Variants in GPC5 observed in about 807,000 individuals in gnomAD.
GPC5 encodes the protein glypican 5, also known as glypican-5.
GPC5 carries 47 observed loss-of-function variants against 53.9 expected under a neutral mutation model. That is an observed-to-expected ratio of 0.87 (90% CI 0.69 to 1.11). The LOEUF (loss-of-function observed/expected upper bound fraction) is 1.11, where lower values mean the gene tolerates loss of function less well. GPC5 is among the 50% of genes most tolerant of loss of function. The pLI is 0.00. For missense variants in GPC5, 748 were observed against 713.1 expected, an observed-to-expected ratio of 1.05 and a Z score of -0.56; for synonymous variants, 286 against 263.3, an observed-to-expected ratio of 1.09 and a Z score of -0.84.
intron 5 of GPC5, among the ~76,000 whole-genome samples, chr13:91,900,901 T>G (rs2039491457): frequency 6.6e-6 from 1 of 152,116 alleles, no homozygotes; most frequent in Admixed American, 6.6e-5. Context: ...ATGGGACTAC[T>G]TACCTGCCAC....
At chr13:92,248,774 A>G (rs1036218133) in intron 7 of GPC5, among the ~76,000 whole-genome samples, 18 of 152,152 alleles carry the variant, frequency 1.2e-4, no homozygotes, top group Non-Finnish European at 5.9e-5. Flanking sequence ...GGATTCGATC[A>G]GGAAAACTCT....
At chr13:91,558,371 A>G (rs2031076357) in intron 2 of GPC5, among the ~76,000 whole-genome samples, 1 of 152,086 alleles carries the variant, frequency 6.6e-6, no homozygotes, top group South Asian at 2.1e-4. Flanking sequence ...AAAGGGAAGC[A>G]TATTGTTTTA....
intron 6 of GPC5, among the ~76,000 whole-genome samples, chr13:92,128,184 C>T (rs751565032): frequency 6.6e-6 from 1 of 152,188 alleles, no homozygotes; most frequent in Non-Finnish European, 1.5e-5. Context: ...CTGTCATTCA[C>T]TCCTATATGG....
At chr13:92,404,331 C>T (rs1875699399) in intron 7 of GPC5, among the ~76,000 whole-genome samples, 2 of 152,088 alleles carry the variant, frequency 1.3e-5, no homozygotes. Flanking sequence ...ACGTCTGTGT[C>T]ACCAGAAACT....
rs540568821 is a variant in GPC5 at position 92,557,167 on chromosome 13, C to T, written c.1562-309115C>T. Among the ~76,000 whole-genome samples the T allele has an allele frequency of 4.6e-5, 7 of 151,646 alleles. No individual in the cohort carries two copies. In the South Asian group the frequency reaches 1.2e-3, roughly 27 times the overall value. On this transcript the variant is annotated intron_variant, in intron 7 of 7. Coordinates refer to ENST00000377067, the MANE Select transcript of GPC5 (RefSeq NM_004466.6). ...GCTATTCTAGCCCCTTTTGATGGAC[C>T]GAGTCTGTCTTTTTTGTCATGTAAG...
intron 2 of GPC5, among the ~76,000 whole-genome samples, chr13:91,482,000 A>G (rs1883327182): frequency 6.6e-6 from 1 of 152,220 alleles, no homozygotes; most frequent in Non-Finnish European, 1.5e-5. Flanking sequence ...ACATAGTAAA[A>G]GGATACTAAT....
intron 7 of GPC5, among the ~76,000 whole-genome samples, chr13:92,385,401 CATATATACACAT>C (rs2043787870): frequency 7.4e-5 from 5 of 67,408 alleles, no homozygotes; most frequent in South Asian, 8.4e-4. Flanking sequence ...CATATATACA[CATATATACACAT>C]ATATATACAT....
chr13:91,520,730 G>T (rs1477708566), intron 2 of GPC5, among the ~76,000 whole-genome samples: 1 of 149,776 alleles, frequency 6.7e-6, no homozygotes, highest in Non-Finnish European at 1.5e-5. Flanking sequence ...ATGTGTGTGT[G>T]TGTGTATATA....
intron 3 of GPC5, among the ~76,000 whole-genome samples, chr13:91,722,271 T>C (rs1365245806): frequency 6.6e-6 from 1 of 152,198 alleles, no homozygotes; most frequent in East Asian, 1.9e-4. Flanking sequence ...AATTATGGGT[T>C]GGTTTTCCAT....
Position 91,931,484 on chromosome 13 carries a change from C to T in GPC5, c.1401+23427C>T, listed in dbSNP as rs1288486537. ...CAGCACAATTTACACAGAAGCCCAA[C>T]GTCAGACATCCTTGTTCACATGGAA... On this transcript the variant is annotated intron_variant, in intron 6 of 7. Coordinates refer to ENST00000377067, the MANE Select transcript of GPC5 (RefSeq NM_004466.6). Among the ~76,000 whole-genome samples the T allele has an allele frequency of 4.6e-5, 7 of 151,992 alleles. No homozygotes were observed. In the East Asian group the frequency reaches 1.3e-3, roughly 29 times the overall value.
chr13:91,910,124 C>T (rs751103756), intron 6 of GPC5, among the ~76,000 whole-genome samples: 1 of 152,180 alleles, frequency 6.6e-6, no homozygotes, highest in Non-Finnish European at 1.5e-5. Flanking sequence ...ATGTCTTGCA[C>T]AGGTGTCACT....
At chr13:91,706,011 G>C (rs1174348388) in intron 3 of GPC5, among the ~76,000 whole-genome samples, 1 of 151,288 alleles carries the variant, frequency 6.6e-6, no homozygotes, top group African/African-American at 2.4e-5. Flanking sequence ...TTCCCTGGTA[G>C]CTGGGATTAT....
chr13:91,979,608 A>G (rs2040339442), intron 6 of GPC5, among the ~76,000 whole-genome samples: 2 of 152,312 alleles, frequency 1.3e-5, no homozygotes, highest in South Asian at 4.1e-4. Context: ...AAAACTCCCC[A>G]AACTCTATAA....
chr13:92,259,688 C>T (rs796226586), intron 7 of GPC5, among the ~76,000 whole-genome samples: 18 of 152,238 alleles, frequency 1.2e-4, no homozygotes, highest in African/African-American at 4.3e-4. Flanking sequence ...CATGCCTGGA[C>T]CTGGCAGGTG....
At chr13:92,716,900 A>AT (rs1304687963) in intron 7 of GPC5, among the ~76,000 whole-genome samples, 8 of 152,164 alleles carry the variant, frequency 5.3e-5, no homozygotes, top group African/African-American at 1.7e-4. Context: ...ATACTATTTT[A>AT]TTTATTCCTC....
intron 7 of GPC5, among the ~76,000 whole-genome samples, chr13:92,479,127 T>C (rs377520714): frequency 2.0e-5 from 3 of 152,156 alleles, no homozygotes; most frequent in Non-Finnish European, 2.9e-5. Flanking sequence ...ATGAGTCATA[T>C]AGAATTGAAA....
intron 2 of GPC5, among the ~76,000 whole-genome samples, chr13:91,598,334 A>AT (rs367643233): frequency 8.6e-5 from 13 of 151,294 alleles, no homozygotes; most frequent in Non-Finnish European, 1.3e-4. Flanking sequence ...TTGAAAAAAA[A>AT]CTCTTAAATT....
At chr13:92,375,119 T>A (rs1049680452) in intron 7 of GPC5, among the ~76,000 whole-genome samples, 1 of 152,194 alleles carries the variant, frequency 6.6e-6, no homozygotes, top group Non-Finnish European at 1.5e-5. Context: ...CAAAGGTAGA[T>A]AATTAATGTG....
intron 7 of GPC5, among the ~76,000 whole-genome samples, chr13:92,757,821 G>A: frequency 6.6e-6 from 1 of 152,114 alleles, no homozygotes; most frequent in South Asian, 2.1e-4. Flanking sequence ...TCATTATAAA[G>A]TCAGGAAACA....
Sources: allele counts gnomAD v4.1 joint callset (sites outside exome capture counted in the v4.1 genomes callset), GRCh38; gene constraint gnomAD v4.1.1; transcripts MANE v1.5; gene names NCBI Gene and HGNC (gene_info 2026-07-23, HGNC 2026-07-21).